KIRREL3: variants seen among roughly 807,000 people sequenced by gnomAD.
KIRREL3 encodes kin of IRRE-like protein 3.
A neutral mutation model predicts 89.7 loss-of-function variants in KIRREL3; 36 were observed. The observed-to-expected ratio is 0.40, with a 90% CI of 0.31 to 0.53. KIRREL3 has a LOEUF of 0.53. KIRREL3 is among the 20% of genes least tolerant of loss of function. The pLI, the probability that KIRREL3 is intolerant of heterozygous loss-of-function variation, is 0.49. For missense variants in KIRREL3, 864 were observed against 1,056.6 expected (o/e 0.82, Z 2.53); for synonymous variants, 445 against 441.4 (o/e 1.01, Z -0.10).
At position 126,429,248 on chromosome 11, in the gene KIRREL3, C is replaced by T. The variant is rs372461074; in HGVS notation, c.1737G>A (p.Val579=). Residue 579 remains valine (V), a synonymous_variant, in exon 15 of 17, where the codon GTG becomes GTA. Coordinates refer to ENST00000525144, the MANE Select transcript of KIRREL3 (RefSeq NM_032531.4). This position sits in a 1 kb window ranked among gnomAD's most constrained non-coding sequence, Gnocchi z 5.2. ...GVVSAKNDIR[V]EIVHKEPASG... The stretch of plus-strand genomic sequence containing the variant: ...AGGCTGGTTCCTTGTGGACAATTTC[C>T]ACTCGGATATCATTTTTGGCTGACA... The T allele has an allele frequency of 1.9e-6, 3 of 1,613,786 alleles. No homozygotes were observed. In the African/African-American group the frequency reaches 4.0e-5, roughly 22 times the overall value.
At chr11:126,637,024 C>G (rs1354096005) in intron 1 of KIRREL3, among the ~76,000 whole-genome samples, 2 of 152,196 alleles carry the variant, frequency 1.3e-5, no homozygotes, top group Admixed American at 1.3e-4. Flanking sequence ...CCTCACTTCT[C>G]TAGTCTCAAT....
intron 1 of KIRREL3, among the ~76,000 whole-genome samples, chr11:126,962,427 C>T (rs1396475714): frequency 6.6e-6 from 1 of 152,128 alleles, no homozygotes; most frequent in African/African-American, 2.4e-5. Flanking sequence ...GTGGAAGCAG[C>T]AAGAGAAGTA....
At position 126,642,943 on chromosome 11, in the gene KIRREL3, T is replaced by C. The variant is rs1944526812; in HGVS notation, c.56-80031A>G. Reference sequence around the variant, plus strand: ...TCCAGAGTACAAGGATCCTACAAAGTAAAAGGGTAAAAAAAAGGTACTTTG... The same window carrying C: ...TCCAGAGTACAAGGATCCTACAAAGCAAAAGGGTAAAAAAAAGGTACTTTG... On this transcript the variant is annotated intron_variant, in intron 1 of 16. Transcript: ENST00000525144. The surrounding 1 kb of genome is among the most constrained non-coding windows in gnomAD (Gnocchi z 4.9). Among the ~76,000 whole-genome samples the C allele has an allele frequency of 6.6e-6, 1 of 151,864 alleles. No individual in the cohort carries two copies. Among genetic ancestry groups the C allele is most frequent in the Non-Finnish European group, 1.5e-5 (1 of 67,974 alleles).
chr11:126,650,875 T>G (rs1327882562), intron 1 of KIRREL3, among the ~76,000 whole-genome samples: 1 of 152,188 alleles, frequency 6.6e-6, no homozygotes, highest in Non-Finnish European at 1.5e-5. Flanking sequence ...AAAAAGAGGT[T>G]TAACTGGACT....
At chr11:126,502,456 A>G (rs1207714608) in intron 4 of KIRREL3, among the ~76,000 whole-genome samples, 1 of 152,220 alleles carries the variant, frequency 6.6e-6, no homozygotes, top group Non-Finnish European at 1.5e-5. Context: ...AGGGAAAGCA[A>G]TTCAATTAAG....
rs528938224 is a variant in KIRREL3, at chr11:126,991,958, G to C, written c.55+8497C>G. 1.3e-5 allele frequency among the ~76,000 whole-genome samples: 2 copies of C among 152,312 alleles called. No homozygotes were observed. The highest frequency in any genetic ancestry group is 4.8e-5 in the African/African-American group (2 of 41,572). The stretch of plus-strand genomic sequence containing the variant: ...AAGTAACCTCTCTGGGGGTATGACA[G>C]CAATAATGCCCACTTCTCATTACTT... On this transcript the variant is annotated intron_variant, in intron 1 of 16. Transcript: ENST00000525144. This position sits in a 1 kb window ranked among gnomAD's most constrained non-coding sequence, Gnocchi z 5.8.
rs1947068857 is a variant in KIRREL3, at chr11:126,917,034, C to T, written c.55+83421G>A. Among the ~76,000 whole-genome samples, 1 of 152,030 alleles carries T rather than the reference C, an allele frequency of 6.6e-6. No individual in the cohort carries two copies. Among genetic ancestry groups the T allele is most frequent in the South Asian group, 2.1e-4 (1 of 4,822 alleles). On this transcript the variant is annotated intron_variant, in intron 1 of 16. Transcript: ENST00000525144. The surrounding 1 kb of genome is among the most constrained non-coding windows in gnomAD (Gnocchi z 5.0). The stretch of plus-strand genomic sequence containing the variant: ...TTCATTGCAGCAGTATTCATAATAA[C>T]CAAAAAGTAGAAGTCACCCACGTGT...
intron 1 of KIRREL3, among the ~76,000 whole-genome samples, chr11:126,852,996 T>C (rs1329624535): frequency 6.6e-6 from 1 of 152,182 alleles, no homozygotes; most frequent in Non-Finnish European, 1.5e-5. Flanking sequence ...TGTTATTCCT[T>C]CCTAGAGTCA....
chr11:126,979,397 A>T (rs553297355), intron 1 of KIRREL3, among the ~76,000 whole-genome samples: 1 of 152,354 alleles, frequency 6.6e-6, no homozygotes, highest in Non-Finnish European at 1.5e-5. Context: ...CTATTAACAT[A>T]TAACAGCTAC....
intron 1 of KIRREL3, among the ~76,000 whole-genome samples, chr11:126,679,176 G>A (rs940612521): frequency 1.3e-5 from 2 of 152,184 alleles, no homozygotes; most frequent in Non-Finnish European, 1.5e-5. Flanking sequence ...GGATGAAAAC[G>A]TAACATGCCA....
At chr11:126,681,217 G>T (rs574246090) in intron 1 of KIRREL3, among the ~76,000 whole-genome samples, 4 of 152,272 alleles carry the variant, frequency 2.6e-5, no homozygotes, top group Non-Finnish European at 5.9e-5. Context: ...CCCTAGATAG[G>T]CTGCCTAGGG....
At chr11:126,927,580 C>T (rs891059563) in intron 1 of KIRREL3, among the ~76,000 whole-genome samples, 5 of 152,144 alleles carry the variant, frequency 3.3e-5, no homozygotes, top group Admixed American at 1.3e-4. Context: ...ACAGAAAATG[C>T]GGACATTATG....
At chr11:126,618,333 C>T (rs1943438104) in intron 1 of KIRREL3, among the ~76,000 whole-genome samples, 1 of 152,230 alleles carries the variant, frequency 6.6e-6, no homozygotes, top group Non-Finnish European at 1.5e-5. Flanking sequence ...CTCTGAGATT[C>T]ATGTGCGCAG....
rs149190644 is a variant in KIRREL3 at position 126,778,100 on chromosome 11, A to G, written c.56-215188T>C. On this transcript the variant is annotated intron_variant, in intron 1 of 16. Transcript: ENST00000525144. This position sits in a 1 kb window ranked among gnomAD's most constrained non-coding sequence, Gnocchi z 4.5. ...AATCCAAAAGAGCAAAATGAAAATT[A>G]TGCCAGCCCCCTGACCTCCCCACCC... 3.5e-4 allele frequency among the ~76,000 whole-genome samples: 53 copies of G among 152,220 alleles called. No homozygotes were observed. Among genetic ancestry groups the G allele is most frequent in the Non-Finnish European group, 6.9e-4 (47 of 68,000 alleles).
rs1958905512 is a variant in KIRREL3 at position 126,530,421 on chromosome 11, C to T, written c.134-3734G>A. Among the ~76,000 whole-genome samples the T allele has an allele frequency of 6.6e-6, 1 of 152,110 alleles. No individual in the cohort carries two copies. The highest frequency in any genetic ancestry group is 2.4e-5 in the African/African-American group (1 of 41,406). ...TATTTTCCCCATTTTCTTTTCTACT[C>T]CAAAGAAGTGAAATGCAAGTGAGCC... On this transcript the variant is annotated intron_variant, in intron 2 of 16. Coordinates refer to ENST00000525144, the MANE Select transcript of KIRREL3 (RefSeq NM_032531.4). This position sits in a 1 kb window ranked among gnomAD's most constrained non-coding sequence, Gnocchi z 5.8.
chr11:126,556,086 A>G (rs1343257230), intron 2 of KIRREL3, among the ~76,000 whole-genome samples: 1 of 152,228 alleles, frequency 6.6e-6, no homozygotes, highest in Non-Finnish European at 1.5e-5. Flanking sequence ...TTCAAAAGGA[A>G]CATGACATGG....
chr11:126,581,199 A>G (rs534840597), intron 1 of KIRREL3, among the ~76,000 whole-genome samples: 1 of 152,186 alleles, frequency 6.6e-6, no homozygotes, highest in Admixed American at 6.5e-5. Flanking sequence ...AGAGCTGGTC[A>G]CATTATATTG....
In KIRREL3 at chr11:126,587,965, G is replaced by A. The variant is rs1334190225; in HGVS notation, c.56-25053C>T. On this transcript the variant is annotated intron_variant, in intron 1 of 16. Coordinates refer to ENST00000525144, the MANE Select transcript of KIRREL3 (RefSeq NM_032531.4). The surrounding 1 kb of genome is among the most constrained non-coding windows in gnomAD (Gnocchi z 5.2). ...TCTTTGGAAGGCTTTAGGAAGAAGG[G>A]AGAGGTGGACTGGAAGACTCAGATC... Among the ~76,000 whole-genome samples, 1 of 152,186 alleles carries A rather than the reference G, an allele frequency of 6.6e-6. No individual in the cohort carries two copies. Among genetic ancestry groups the A allele is most frequent in the Non-Finnish European group, 1.5e-5 (1 of 68,034 alleles).
In KIRREL3 at chr11:126,877,542, A is replaced by G. The variant is rs552457001; in HGVS notation, c.55+122913T>C. On this transcript the variant is annotated intron_variant, in intron 1 of 16. Coordinates refer to ENST00000525144, the MANE Select transcript of KIRREL3 (RefSeq NM_032531.4). The surrounding 1 kb of genome is among the most constrained non-coding windows in gnomAD (Gnocchi z 4.9). Reference sequence around the variant, plus strand: ...TATATGGACACAAGGTCTACCTCCAAAAATGAAATTCATTATATTTAGAGC... The same window carrying G: ...TATATGGACACAAGGTCTACCTCCAGAAATGAAATTCATTATATTTAGAGC... Among the ~76,000 whole-genome samples, 6 of 152,354 alleles carry G rather than the reference A, an allele frequency of 3.9e-5. No homozygotes were observed. Among genetic ancestry groups the G allele is most frequent in the Middle Eastern group, 3.4e-3 (1 of 294 alleles).
Sources: gnomAD v4.1 joint callset for allele counts (sites outside exome capture counted in the v4.1 genomes callset) on GRCh38, gnomAD v4.1.1 for gene constraint, Gnocchi (gnomAD v3.1) non-coding constraint, MANE v1.5 for transcripts, NCBI Gene and HGNC (gene_info 2026-07-23, HGNC 2026-07-21) for gene names.